ME1: variants seen among roughly 807,000 people sequenced by gnomAD.
ME1 encodes the protein NADP-dependent malic enzyme.
In ME1, 74 loss-of-function variants were observed where a neutral mutation model predicts 66.4. That is an observed-to-expected ratio of 1.11 (90% CI 0.92 to 1.35). The LOEUF is 1.35. ME1 is among the 40% of genes most tolerant of loss of function. The pLI, the probability that ME1 is intolerant of heterozygous loss-of-function variation, is 0.00. For synonymous variants in ME1, 251 were observed against 235.6 expected (o/e 1.07, Z -0.60); for missense variants, 750 against 694.1 (o/e 1.08, Z -0.90).
rs376254621 is a variant in ME1 at position 83,239,599 on chromosome 6, A to G, written c.852T>C (p.Ala284=). The G allele has an allele frequency of 6.2e-7, 1 of 1,613,546 alleles. No individual in the cohort carries two copies. The highest frequency in any genetic ancestry group is 1.1e-5 in the South Asian group (1 of 91,032). Residue 284 remains alanine (A), a synonymous_variant, in exon 8 of 14, where the codon GCT becomes GCC. Coordinates refer to ENST00000369705, the MANE Select transcript of ME1 (RefSeq NM_002395.6). ...ASVAVAGLLA[A]LRITKNKLSD... The stretch of plus-strand genomic sequence containing the variant: ...ACAGTTTGTTCTTGGTTATTCGAAG[A>G]GCTGCAAGGAGACCTGCAACTGCAA...
At chr6:83,332,763 G>A (rs1583386686) in intron 5 of ME1, among the ~76,000 whole-genome samples, 1 of 152,066 alleles carries the variant, frequency 6.6e-6, no homozygotes, top group South Asian at 2.1e-4. Context: ...GATGGGAGGA[G>A]GGTAGGAGGT....
At chr6:83,349,216 C>A (rs1768751443) in intron 4 of ME1, among the ~76,000 whole-genome samples, 1 of 151,854 alleles carries the variant, frequency 6.6e-6, no homozygotes, top group Non-Finnish European at 1.5e-5. Flanking sequence ...TTCATAAATA[C>A]TTCCATATAA....
intron 7 of ME1, among the ~76,000 whole-genome samples, chr6:83,245,787 T>C (rs936945727): frequency 6.6e-6 from 1 of 152,242 alleles, no homozygotes; most frequent in Non-Finnish European, 1.5e-5. Flanking sequence ...TCTTACATTC[T>C]AATTCATGAG....
intron 7 of ME1, among the ~76,000 whole-genome samples, chr6:83,243,432 TATATA>T (rs1191050885): frequency 1.4e-4 from 18 of 125,012 alleles, no homozygotes; most frequent in African/African-American, 4.5e-4. Context: ...TTTATATATT[TATATA>T]ATATATTATA....
At chr6:83,307,165 T>A (rs1025031807) in intron 6 of ME1, among the ~76,000 whole-genome samples, 1 of 152,010 alleles carries the variant, frequency 6.6e-6, no homozygotes, top group Non-Finnish European at 1.5e-5. Context: ...TACACATACA[T>A]ACACATAATG....
intron 3 of ME1, among the ~76,000 whole-genome samples, chr6:83,371,169 T>C (rs1316295819): frequency 6.6e-6 from 1 of 152,190 alleles, no homozygotes; most frequent in African/African-American, 2.4e-5. Context: ...AAGAATTTTA[T>C]TATTGTTTCT....
Position 83,237,760 on chromosome 6 carries a change from A to G in ME1, c.983T>C (p.Ile328Thr), listed in dbSNP as rs770653336. The G allele has an allele frequency of 1.9e-6, 3 of 1,609,824 alleles. No homozygotes were observed. The highest frequency in any genetic ancestry group is 2.5e-6 in the Non-Finnish European group (3 of 1,177,808). The change falls in exon 9 of 14, where the codon ATC becomes ACC. Residue 328 changes from isoleucine (I) to threonine (T), a missense_variant. Coordinates refer to ENST00000369705, the MANE Select transcript of ME1 (RefSeq NM_002395.6). ...EKEGLPKEKA[I>T]KKIWLVDSKG... ...TGAATCAACCAGCCATATCTTTTTG[A>G]TGGCTTTCTCTTTTGGTAAACCTTC... is the stretch of plus-strand genomic sequence containing the variant.
chr6:83,404,105 A>AT (rs1312088045), intron 2 of ME1, among the ~76,000 whole-genome samples: 3 of 152,040 alleles, frequency 2.0e-5, no homozygotes, highest in African/African-American at 7.2e-5. Flanking sequence ...GGTTGAACTA[A>AT]TTTACACTCC....
intron 9 of ME1, among the ~76,000 whole-genome samples, chr6:83,236,778 G>A (rs1422077616): frequency 6.6e-6 from 1 of 152,150 alleles, no homozygotes; most frequent in South Asian, 2.1e-4. Flanking sequence ...GGAAGTAGCA[G>A]GTAAAGGGTA....
At chr6:83,228,761 G>T in intron 10 of ME1, 65 bp downstream of exon 10, 1 of 1,058,176 alleles carries the variant, frequency 9.5e-7, no homozygotes, top group Non-Finnish European at 1.4e-6. Flanking sequence ...TCAAAAATTG[G>T]TAGTAAAAAA....
intron 2 of ME1, among the ~76,000 whole-genome samples, chr6:83,402,217 G>A (rs922945529): frequency 6.6e-6 from 1 of 152,182 alleles, no homozygotes; most frequent in Non-Finnish European, 1.5e-5. Context: ...GCAAAGCTGA[G>A]GCAAGGTTCT....
intron 6 of ME1, among the ~76,000 whole-genome samples, chr6:83,263,745 CAACATAACATAACATAACATAACAT>C (rs70987742): frequency 0.29 from 32,456 of 110,422 alleles, 5,476 homozygotes; most frequent in Middle Eastern, 0.43. Flanking sequence ...AAACAGCTGT[CAACATAACATAACATAACATAACAT>C]AACATAACAT....
At chr6:83,302,338 A>T (rs1316596418) in intron 6 of ME1, among the ~76,000 whole-genome samples, 1 of 152,168 alleles carries the variant, frequency 6.6e-6, no homozygotes, top group Non-Finnish European at 1.5e-5. Context: ...GAGCAAAAAA[A>T]AAATAACTAA....
At chr6:83,367,489 T>C (rs1269575172) in intron 3 of ME1, among the ~76,000 whole-genome samples, 2 of 152,202 alleles carry the variant, frequency 1.3e-5, no homozygotes, top group Non-Finnish European at 1.5e-5. Flanking sequence ...TGAAAATCTG[T>C]TGTTTAGTGT....
chr6:83,253,650 T>C lies in ME1; in HGVS notation c.793A>G (p.Thr265Ala). Residue 265 changes from threonine (T) to alanine (A), a missense_variant, in exon 7 of 14, where the codon ACA becomes GCA. By Grantham distance (58) the Thr-to-Ala change is moderately conservative. Transcript: ENST00000369705. ...LLNKYRNQYCTFNDDIQGTAS... is the reference protein window; with the variant it reads ...LLNKYRNQYCAFNDDIQGTAS... Reference sequence around the variant, plus strand: ...TTACCTTGAATATCATCATTGAATGTGCAATACTGGTTTCGATACTTGTTC... The same window carrying C: ...TTACCTTGAATATCATCATTGAATGCGCAATACTGGTTTCGATACTTGTTC... The C allele has an allele frequency of 6.2e-7, 1 of 1,605,208 alleles. No homozygotes were observed. Among genetic ancestry groups the C allele is most frequent in the Non-Finnish European group, 8.5e-7 (1 of 1,172,428 alleles).
intron 6 of ME1, among the ~76,000 whole-genome samples, chr6:83,297,330 A>T (rs1200197216): frequency 6.6e-6 from 1 of 152,198 alleles, no homozygotes; most frequent in Non-Finnish European, 1.5e-5. Flanking sequence ...AAATAGAAAA[A>T]CATTCCATGC....
chr6:83,256,130 T>C (rs982245653), intron 6 of ME1, among the ~76,000 whole-genome samples: 3 of 152,134 alleles, frequency 2.0e-5, no homozygotes, highest in African/African-American at 4.8e-5. Context: ...TTACATACCG[T>C]GCATCCTTAA....
At chr6:83,363,181 G>A (rs945208571) in intron 3 of ME1, among the ~76,000 whole-genome samples, 1 of 152,128 alleles carries the variant, frequency 6.6e-6, no homozygotes, top group Non-Finnish European at 1.5e-5. Context: ...TTTGCTTCCT[G>A]TTCCCACAAG....
intron 1 of ME1, among the ~76,000 whole-genome samples, chr6:83,419,167 T>G (rs1359778183): frequency 1.3e-5 from 2 of 152,188 alleles, no homozygotes; most frequent in African/African-American, 4.8e-5. Context: ...GACTAGTTAT[T>G]CCATTTCATA....
Sources: allele counts gnomAD v4.1 joint callset (sites outside exome capture counted in the v4.1 genomes callset), GRCh38; gene constraint gnomAD v4.1.1; transcripts MANE v1.5; gene names NCBI Gene and HGNC (gene_info 2026-07-23, HGNC 2026-07-21).